Variants in TANC1 observed in about 807,000 individuals in gnomAD.
TANC1 encodes the protein tetratricopeptide repeat, ankyrin repeat and coiled-coil containing 1, also known as protein TANC1.
TANC1 carries 77 observed loss-of-function variants against 149.7 expected under a neutral mutation model. The observed-to-expected ratio is 0.51, with a 90% confidence interval of 0.43 to 0.62. The LOEUF is 0.62. Ranked by LOEUF, TANC1 falls within the 20% of genes least tolerant of loss-of-function variation. The pLI is 0.00. For missense variants in TANC1, 1,985 were observed against 2,321.8 expected (o/e 0.85, Z 2.98); for synonymous variants, 854 against 925.0 (o/e 0.92, Z 1.39).
At chr2:159,077,948 C>T (rs1444757633) in intron 3 of TANC1, among the ~76,000 whole-genome samples, 3 of 152,102 alleles carry the variant, frequency 2.0e-5, no homozygotes, top group Non-Finnish European at 4.4e-5. Flanking sequence ...TTTTCATATC[C>T]TTAGGTTATG....
rs901430380 is a variant in TANC1 at position 159,193,252 on chromosome 2, T to C, written c.2743-1005T>C. ...TTTTGCGTCTGGCTTGCTTCACTTA[T>C]TTCACTTCCCCGAGGTTTACCCATG... On this transcript the variant is annotated intron_variant, in intron 16 of 26. Coordinates refer to ENST00000263635, the MANE Select transcript of TANC1 (RefSeq NM_033394.3). Among the ~76,000 whole-genome samples the C allele has an allele frequency of 5.9e-5, 9 of 152,326 alleles. No homozygotes were observed. The East Asian group carries it at 1.5e-3, about 26-fold the overall frequency.
intron 22 of TANC1, 141 bp downstream of exon 22, chr2:159,220,008 G>C (rs1336011703): frequency 1.0e-5 from 7 of 691,900 alleles, no homozygotes; most frequent in Non-Finnish European, 1.6e-5. Flanking sequence ...GTGTGTGTGT[G>C]TGTGTGTGTG....
At chr2:159,059,865 A>C (rs1389831816) in intron 2 of TANC1, among the ~76,000 whole-genome samples, 1 of 140,230 alleles carries the variant, frequency 7.1e-6, no homozygotes. Flanking sequence ...GATAACAGCC[A>C]GTGTACCATC....
At chr2:159,013,243 T>C (rs1405672552) in intron 2 of TANC1, among the ~76,000 whole-genome samples, 2 of 152,170 alleles carry the variant, frequency 1.3e-5, no homozygotes, top group Non-Finnish European at 2.9e-5. Flanking sequence ...GAAGGCATAT[T>C]GTATTATGTT....
intron 1 of TANC1, among the ~76,000 whole-genome samples, chr2:158,978,402 C>T (rs2033933506): frequency 6.6e-6 from 1 of 152,118 alleles, no homozygotes; most frequent in South Asian, 2.1e-4. Context: ...GTTTGTGTGC[C>T]CTCATGCATG....
chr2:159,007,339 T>A (rs954965475), intron 2 of TANC1, among the ~76,000 whole-genome samples: 1 of 151,898 alleles, frequency 6.6e-6, no homozygotes, highest in Non-Finnish European at 1.5e-5. Flanking sequence ...AGAGACAGGG[T>A]TTTTCCATGT....
chr2:159,030,845 C>G (rs1422843538), intron 2 of TANC1, among the ~76,000 whole-genome samples: 1 of 152,104 alleles, frequency 6.6e-6, no homozygotes, highest in Admixed American at 6.5e-5. Context: ...GCTTGGAACC[C>G]CCATCTCAGA....
intron 3 of TANC1, 144 bp downstream of exon 3, chr2:159,066,115 GA>G: frequency 1.4e-6 from 1 of 710,948 alleles, no homozygotes; most frequent in Non-Finnish European, 2.6e-6. Flanking sequence ...GAGGCTATGA[GA>G]AATGAAATAG....
rs140659801 is a variant in TANC1, at chr2:159,059,888, T to TTGTGTGTGTGTGTGTG, written c.-15-5981_-15-5966dup. Among the ~76,000 whole-genome samples, 364 of 114,800 alleles carry TTGTGTGTGTGTGTGTG rather than the reference T, an allele frequency of 3.2e-3. 3 individuals are homozygous for TTGTGTGTGTGTGTGTG. The highest frequency in any genetic ancestry group is 5.1e-3 in the Middle Eastern group (1 of 196). 75.3% of individuals were successfully genotyped at this position (114,800 alleles called of 152,430 possible). ...CCAGTGTACCATCTAGCAGACCTCT[T>TTGTGTGTGTGTGTGTG]TGTGTGTGTGTGTGTGTGTGTGTGT... On this transcript the variant is annotated intron_variant, in intron 2 of 26. Coordinates refer to ENST00000263635, the MANE Select transcript of TANC1 (RefSeq NM_033394.3).
chr2:159,140,778 C>T (rs1178824008), intron 5 of TANC1, among the ~76,000 whole-genome samples: 2 of 148,748 alleles, frequency 1.3e-5, no homozygotes, highest in African/African-American at 5.0e-5. Context: ...GCAACCTCTG[C>T]CTCCTGGGTT....
intron 2 of TANC1, among the ~76,000 whole-genome samples, chr2:159,033,601 C>T (rs568996284): frequency 6.6e-6 from 1 of 152,264 alleles, no homozygotes; most frequent in Admixed American, 6.5e-5. Context: ...TTGGGGAAGC[C>T]ATCCAGACTC....
intron 4 of TANC1, among the ~76,000 whole-genome samples, chr2:159,113,333 G>T (rs567998933): frequency 6.6e-6 from 1 of 152,330 alleles, no homozygotes; most frequent in South Asian, 2.1e-4. Flanking sequence ...CCAGGATATT[G>T]TATTGTAGGA....
chr2:159,106,874 T>C (rs1482464152), intron 4 of TANC1, among the ~76,000 whole-genome samples: 2 of 152,274 alleles, frequency 1.3e-5, no homozygotes, highest in Non-Finnish European at 2.9e-5. Context: ...TGTGAACTGA[T>C]ATCTCATTGT....
At position 159,230,086 on chromosome 2, in the gene TANC1, G is replaced by C; in HGVS notation, c.4660G>C (p.Val1554Leu). ...QSAVRNGSMK[V>L]QISSQNPPPS... ...GGCAGTGAGAAATGGCAGTATGAAA[G>C]TTCAGATCTCTTCTCAGAACCCTCC... is the stretch of plus-strand genomic sequence containing the variant. Residue 1554 changes from valine (V) to leucine (L), a missense_variant, in exon 27 of 27, where the codon GTT (valine) becomes CTT (leucine). Transcript: ENST00000263635. This position sits in a 1 kb window ranked among gnomAD's most constrained non-coding sequence, Gnocchi z 4.4. The C allele has an allele frequency of 6.2e-7, 1 of 1,614,014 alleles. No individual in the cohort carries two copies. Among genetic ancestry groups the C allele is most frequent in the Non-Finnish European group, 8.5e-7 (1 of 1,180,058 alleles).
chr2:159,193,670 C>T (rs1160239027), intron 16 of TANC1, among the ~76,000 whole-genome samples: 2 of 152,008 alleles, frequency 1.3e-5, no homozygotes, highest in Admixed American at 6.6e-5. Context: ...GATACAGGCA[C>T]ACACCACCAC....
At chr2:159,200,338 A>G (rs2058155925) in intron 19 of TANC1, among the ~76,000 whole-genome samples, 1 of 152,194 alleles carries the variant, frequency 6.6e-6, no homozygotes, top group Non-Finnish European at 1.5e-5. Context: ...TTTCTTAACA[A>G]GCATCCCAAG....
intron 1 of TANC1, among the ~76,000 whole-genome samples, chr2:158,976,425 C>G (rs539836720): frequency 6.6e-6 from 1 of 152,198 alleles, no homozygotes; most frequent in African/African-American, 2.4e-5. Flanking sequence ...GCTAGATTAT[C>G]TGGTTTTAAC....
chr2:158,987,252 A>ATGG lies in TANC1; in HGVS notation c.-125-13824_-125-13822dup, dbSNP rs1234365274. Reference sequence around the variant, plus strand: ...AAAAAAGAGTCACTGAAGGCTGGGTATGGTGGCTCATGCCTGTGATCCCAG... The same window carrying ATGG: ...AAAAAAGAGTCACTGAAGGCTGGGTATGGTGGTGGCTCATGCCTGTGATCCCAG... On this transcript the variant is annotated intron_variant, in intron 1 of 26. Transcript: ENST00000263635. 6.2e-5 allele frequency among the ~76,000 whole-genome samples: 9 copies of ATGG among 145,654 alleles called. No homozygotes were observed. In the Admixed American group the frequency reaches 6.3e-4, roughly 10 times the overall value.
chr2:159,179,753 C>T (rs1278592216), intron 14 of TANC1, among the ~76,000 whole-genome samples: 3 of 152,200 alleles, frequency 2.0e-5, no homozygotes, highest in Non-Finnish European at 2.9e-5. Flanking sequence ...GGCTGGGATG[C>T]AGTTCTCCTT....
Sources: allele counts gnomAD v4.1 joint callset (sites outside exome capture counted in the v4.1 genomes callset), GRCh38; gene constraint gnomAD v4.1.1; non-coding constraint Gnocchi (gnomAD v3.1); transcripts MANE v1.5; gene names NCBI Gene and HGNC (gene_info 2026-07-23, HGNC 2026-07-21).